BMAL2: variants seen among roughly 807,000 people sequenced by gnomAD.
BMAL2 encodes basic helix-loop-helix ARNT like 2.
chr12:27,356,451 G>C, the BMAL2 span, among the ~76,000 whole-genome samples: 1 of 152,116 alleles, frequency 6.6e-6, no homozygotes, highest in East Asian at 1.9e-4. Context: ...TTTCAAGCTT[G>C]ATCTCACATC....
the BMAL2 span, among the ~76,000 whole-genome samples, chr12:27,369,096 T>C: frequency 1.3e-5 from 2 of 152,144 alleles, no homozygotes; most frequent in Non-Finnish European, 2.9e-5. Flanking sequence ...CATCTCTAAA[T>C]AAATAGGTAT....
At chr12:27,417,722 AGTG>A in the BMAL2 span, among the ~76,000 whole-genome samples, 1 of 152,164 alleles carries the variant, frequency 6.6e-6, no homozygotes, top group Non-Finnish European at 1.5e-5. Flanking sequence ...GGCCAGGCGC[AGTG>A]GCTCACACCT....
the BMAL2 span, chr12:27,389,127 A>G: frequency 8.2e-7 from 1 of 1,214,170 alleles, no homozygotes; most frequent in Non-Finnish European, 1.2e-6. Flanking sequence ...GCATCAAGAA[A>G]TGTAGAAAAA....
At chr12:27,390,078 C>G in the BMAL2 span, 103 of 1,611,590 alleles carry the variant, frequency 6.4e-5, 1 homozygote, top group South Asian at 1.1e-3. Flanking sequence ...TATTCTCTCG[C>G]CCCCTTCTGC....
At chr12:27,334,310 A>C in the BMAL2 span, among the ~76,000 whole-genome samples, 1 of 152,224 alleles carries the variant, frequency 6.6e-6, no homozygotes, top group East Asian at 1.9e-4. Context: ...TCTTAGTCTA[A>C]GTTCCCCCAT....
the BMAL2 span, among the ~76,000 whole-genome samples, chr12:27,405,915 G>T: frequency 6.6e-6 from 1 of 152,224 alleles, no homozygotes; most frequent in African/African-American, 2.4e-5. Context: ...TGATGGAGCT[G>T]AAAACAACGG....
chr12:27,374,081 T>C, the BMAL2 span, among the ~76,000 whole-genome samples: 1 of 152,226 alleles, frequency 6.6e-6, no homozygotes, highest in African/African-American at 2.4e-5. Context: ...GTACAGTACA[T>C]TTGAATTTCA....
At chr12:27,370,237 C>T in the BMAL2 span, 1 of 1,601,280 alleles carries the variant, frequency 6.2e-7, no homozygotes, top group African/African-American at 1.3e-5. Flanking sequence ...GCAGGTAAGT[C>T]CTGGACTGTC....
At chr12:27,338,710 A>G in the BMAL2 span, among the ~76,000 whole-genome samples, 1 of 152,218 alleles carries the variant, frequency 6.6e-6, no homozygotes, top group Non-Finnish European at 1.5e-5. Context: ...CACATAGGTG[A>G]GTTTCCTGCT....
At chr12:27,396,862 C>T in the BMAL2 span, among the ~76,000 whole-genome samples, 1 of 151,872 alleles carries the variant, frequency 6.6e-6, no homozygotes, top group Admixed American at 6.6e-5. Context: ...CTGTAGACAG[C>T]TGGGCCAGGA....
the BMAL2 span, among the ~76,000 whole-genome samples, chr12:27,391,525 A>G: frequency 1.3e-5 from 2 of 152,228 alleles, no homozygotes; most frequent in East Asian, 3.9e-4. Flanking sequence ...TTTTTGGTAG[A>G]ATGATCTATT....
the BMAL2 span, chr12:27,418,311 T>G: frequency 1.5e-6 from 1 of 651,042 alleles, no homozygotes; most frequent in Non-Finnish European, 2.6e-6. Context: ...AAAACTAAGG[T>G]TTTTTTCAGT....
At chr12:27,357,613 C>G in the BMAL2 span, among the ~76,000 whole-genome samples, 3 of 152,132 alleles carry the variant, frequency 2.0e-5, no homozygotes, top group Non-Finnish European at 2.9e-5. Context: ...CCTGACTTCA[C>G]ACTATACTAT....
chr12:27,370,151 GT>G, the BMAL2 span: 3 of 1,614,036 alleles, frequency 1.9e-6, no homozygotes, highest in Admixed American at 5.0e-5. Context: ...GACAGAAAAA[GT>G]GGTGGAAAAG....
At chr12:27,371,520 G>T in the BMAL2 span, among the ~76,000 whole-genome samples, 1 of 152,082 alleles carries the variant, frequency 6.6e-6, no homozygotes, top group East Asian at 1.9e-4. Flanking sequence ...CTTAGAGGGG[G>T]GTGAGCTATG....
the BMAL2 span, among the ~76,000 whole-genome samples, chr12:27,408,460 A>G: frequency 6.6e-6 from 1 of 152,228 alleles, no homozygotes; most frequent in Admixed American, 6.5e-5. Flanking sequence ...AATAAATGTA[A>G]TCCAGCATAT....
chr12:27,387,597 T>C, the BMAL2 span, among the ~76,000 whole-genome samples: 1 of 152,208 alleles, frequency 6.6e-6, no homozygotes, highest in African/African-American at 2.4e-5. Context: ...TCTCTCAAGA[T>C]GTAAAGACTA....
the BMAL2 span, among the ~76,000 whole-genome samples, chr12:27,384,588 T>G: frequency 6.6e-6 from 1 of 152,162 alleles, no homozygotes; most frequent in East Asian, 1.9e-4. Flanking sequence ...GGGCATACAT[T>G]CCAAGACCCT....
chr12:27,395,055 C>G, the BMAL2 span, among the ~76,000 whole-genome samples: 1 of 152,198 alleles, frequency 6.6e-6, no homozygotes, highest in Non-Finnish European at 1.5e-5. Flanking sequence ...CTATGGCAGC[C>G]CAACCTCAGA....
Sources: gnomAD v4.1 joint callset for allele counts (sites outside exome capture counted in the v4.1 genomes callset) on GRCh38, gnomAD v4.1.1 for gene constraint, MANE v1.5 for transcripts, NCBI Gene and HGNC (gene_info 2026-07-23, HGNC 2026-07-21) for gene names.